GPR179: variants seen among roughly 807,000 people sequenced by gnomAD.
GPR179 encodes G protein-coupled receptor 179.
A neutral mutation model predicts 70.8 loss-of-function variants in GPR179; 52 were observed. The observed-to-expected ratio is 0.73, with a 90% CI of 0.59 to 0.93. The LOEUF is 0.93. Among genes scored for constraint, GPR179 ranks in the 40% least tolerant of loss-of-function variants. The pLI, the probability that GPR179 is intolerant of heterozygous loss-of-function variation, is 0.00. For missense variants in GPR179, 2,734 were observed against 2,966.8 expected (o/e 0.92, Z 1.82); for synonymous variants, 1,123 against 1,169.0 (o/e 0.96, Z 0.80).
chr17:38,337,782 C>T (rs1424593608), intron 2 of GPR179, 62 bp from the exon 3 acceptor site: 5 of 1,448,848 alleles, frequency 3.5e-6, no homozygotes, highest in Non-Finnish European at 4.8e-6. Flanking sequence ...AGCTTTCCCT[C>T]CTGGGAGAGA....
rs535949081 is a variant in GPR179, at chr17:38,327,597, C to T, written c.5972G>A (p.Gly1991Glu). The change falls in exon 11 of 11, where the codon GGG becomes GAG. Residue 1991 changes from glycine (G) to glutamate (E), a missense_variant. Transcript: ENST00000616987. ...TGGGCACACGTCAGCGGCCCTGCCC[C>T]CAGTGCTGACCAGTCTCTGGGAGCT... is the stretch of plus-strand genomic sequence containing the variant. ...KASSQRLVST[G>E]GRAADVCPWD... 115 of 1,614,186 alleles carry T rather than the reference C, an allele frequency of 7.1e-5. 1 individual carries two copies. The South Asian group carries it at 1.3e-3, about 18-fold the overall frequency.
rs769233773 is a variant in GPR179, at chr17:38,331,051, A to T, written c.2518T>A (p.Ser840Thr). The T allele has an allele frequency of 6.2e-7, 1 of 1,607,316 alleles. No homozygotes were observed. Among genetic ancestry groups the T allele is most frequent in the East Asian group, 2.2e-5 (1 of 44,806 alleles). The change falls in exon 11 of 11, where the codon TCG becomes ACG. Residue 840 changes from serine to threonine, a missense_variant. Coordinates refer to ENST00000616987, the MANE Select transcript of GPR179 (RefSeq NM_001004334.4). ...TCCCTGGAGCTGGCCACACTGAGCG[A>T]CTTCTGCAGAGAGGCGGGCCGGGCT... Reference protein sequence around the residue: ...PRARPASLQKSLSVASSREKA... With the variant: ...PRARPASLQKTLSVASSREKA...
intron 3 of GPR179, 124 bp from the exon 4 acceptor site, chr17:38,337,337 A>G (rs2037414532): frequency 3.0e-6 from 4 of 1,348,670 alleles, no homozygotes; most frequent in Non-Finnish European, 4.0e-6. Context: ...CTCCAGGGAC[A>G]AGTGGGAATG....
chr17:38,341,182 T>C (rs948790813), intron 1 of GPR179, among the ~76,000 whole-genome samples: 3 of 152,212 alleles, frequency 2.0e-5, no homozygotes, highest in Non-Finnish European at 4.4e-5. Context: ...ACTGTCTCTG[T>C]GGACAACAGT....
chr17:38,336,257 C>T (rs1479816068), intron 4 of GPR179, 113 bp from the exon 5 acceptor site: 1 of 771,648 alleles, frequency 1.3e-6, no homozygotes. Context: ...CACCCTGTAA[C>T]ACTGGCTCTG....
rs754115578 is a variant in GPR179, at chr17:38,329,762, C to T, written c.3807G>A (p.Thr1269=). ...CCCTCGACTCTGGGGCTCCTTCACT[C>T]GTCTCCCAGGGGCAGATTTCGGCCT... ...GNKAEICPWE[T]SEGAPESRAL... The change falls in exon 11 of 11, where the codon ACG becomes ACA. Residue 1269 remains threonine, a synonymous_variant. Coordinates refer to ENST00000616987, the MANE Select transcript of GPR179 (RefSeq NM_001004334.4). 2.7e-5 allele frequency: 44 copies of T among 1,614,028 alleles called. No homozygotes were observed. The South Asian group carries it at 3.6e-4, about 13-fold the overall frequency.
rs1439289864 is a variant in GPR179 at position 38,331,403 on chromosome 17, G to T, written c.2166C>A (p.Tyr722Ter). ...CCAGGGCCTCGGGGAATTCCGCCAG[G>T]TACCTCATGAAGGAGCGGCCCAGTC... ...CQGLGRSFMRYLAEFPEALAR... is the reference protein window; with the variant it reads ...CQGLGRSFMR The change falls in exon 11 of 11, where the codon TAC becomes TAA. Residue 722 changes from tyrosine to a stop codon, truncating the protein, a stop_gained. Transcript: ENST00000616987. LOFTEE classifies it low-confidence loss of function (END_TRUNC). The T allele has an allele frequency of 1.2e-6, 2 of 1,614,030 alleles. No individual in the cohort carries two copies. The highest frequency in any genetic ancestry group is 1.7e-6 in the Non-Finnish European group (2 of 1,180,006).
rs764875193 is a variant in GPR179, at chr17:38,331,340, G to A, written c.2229C>T (p.His743=). ...GGCGGGAGGAGCCGGGCAGGCTGCC[G>A]TGGCCTGGGGATCCTGAGTCCCGGG... The part of the protein sequence containing the change: ...QHSRDSGSPG[H]GSLPGSSRRR... Residue 743 remains histidine (H), a synonymous_variant, in exon 11 of 11, where the codon CAC becomes CAT. Coordinates refer to ENST00000616987, the MANE Select transcript of GPR179 (RefSeq NM_001004334.4). The A allele has an allele frequency of 2.5e-5, 41 of 1,611,072 alleles. No individual in the cohort carries two copies. The highest frequency in any genetic ancestry group is 4.4e-5 in the South Asian group (4 of 90,764).
Position 38,329,278 on chromosome 17 carries a change from C to T in GPR179, c.4291G>A (p.Glu1431Lys), listed in dbSNP as rs370767738. 6.2e-7 allele frequency: 1 copy of T among 1,613,400 alleles called. No individual in the cohort carries two copies. Among genetic ancestry groups the T allele is most frequent in the South Asian group, 1.1e-5 (1 of 90,970 alleles). ...GAGGGGCCCCGGAAATCTGTACTCT[C>T]CCATGGACAAAGAGACTCCAAGTCT... ...GGDLESLCPW[E>K]STDFRGPSAV... The change falls in exon 11 of 11, where the codon GAG becomes AAG. Residue 1431 changes from glutamate to lysine, a missense_variant. By Grantham distance (56) the Glu-to-Lys change is moderately conservative. Transcript: ENST00000616987.
In GPR179 at chr17:38,342,983, C is replaced by A. The variant is rs1177019612; in HGVS notation, c.794+13G>T. ...CCCCACACATGCATCAAATCCTGCA[C>A]AAACCCACTTACCTGACTTCTGGGC... On this transcript the variant is annotated intron_variant, in intron 1 of 10. Transcript: ENST00000616987. The A allele has an allele frequency of 1.9e-6, 3 of 1,582,296 alleles. No individual in the cohort carries two copies.
Position 38,338,682 on chromosome 17 carries a change from T to C in GPR179, c.903+735A>G, listed in dbSNP as rs1186199784. 6.6e-5 allele frequency among the ~76,000 whole-genome samples: 10 copies of C among 152,286 alleles called. No individual in the cohort carries two copies. In the East Asian group the frequency reaches 1.4e-3, roughly 21 times the overall value. ...AGAACCACCTGTGCACACAGAACAATATGCCCACCAGCCCCAGCAGGCCAC... is the reference window on the plus strand; with the variant it reads ...AGAACCACCTGTGCACACAGAACAACATGCCCACCAGCCCCAGCAGGCCAC... On this transcript the variant is annotated intron_variant, in intron 2 of 10. Coordinates refer to ENST00000616987, the MANE Select transcript of GPR179 (RefSeq NM_001004334.4).
In GPR179 at chr17:38,335,645, AC is replaced by A; in HGVS notation, c.1351del (p.Val451CysfsTer35). 1 of 1,614,144 alleles carries A rather than the reference AC, an allele frequency of 6.2e-7. No homozygotes were observed. Among genetic ancestry groups the A allele is most frequent in the East Asian group, 2.2e-5 (1 of 44,888 alleles). ...GACGATGGCAAAACCCAGCAGCCGC[AC>A]CCAGCGAAGAGCGATGCAGCGGAAT... ...SVFRCIALRW[V>X]RLLGFAIVYG... On this transcript the variant is annotated frameshift_variant, in exon 6 of 11. Coordinates refer to ENST00000616987, the MANE Select transcript of GPR179 (RefSeq NM_001004334.4). LOFTEE classifies it high-confidence loss of function.
chr17:38,330,792 C>T lies in GPR179; in HGVS notation c.2777G>A (p.Arg926Lys). Reference sequence around the variant, plus strand: ...CCTGATGGGTGGATGAGGCAGCCTTCTCCTAGCCTCCTCATGAAGCCTCCC... The same window carrying T: ...CCTGATGGGTGGATGAGGCAGCCTTTTCCTAGCCTCCTCATGAAGCCTCCC... ...TSGRLHEEAR[R>K]RLPHPPIRHQ... Residue 926 changes from arginine to lysine, a missense_variant, in exon 11 of 11, where the codon AGA (arginine) becomes AAA (lysine). By Grantham distance (26) the Arg-to-Lys change is conservative (BLOSUM62 2). Coordinates refer to ENST00000616987, the MANE Select transcript of GPR179 (RefSeq NM_001004334.4). 6.2e-7 allele frequency: 1 copy of T among 1,601,472 alleles called. No individual in the cohort carries two copies. Among genetic ancestry groups the T allele is most frequent in the Non-Finnish European group, 8.5e-7 (1 of 1,173,316 alleles).
At chr17:38,342,330 A>C (rs761989133) in intron 1 of GPR179, among the ~76,000 whole-genome samples, 39 of 142,942 alleles carry the variant, frequency 2.7e-4, no homozygotes, top group Non-Finnish European at 4.9e-4. Flanking sequence ...CTATACTGAC[A>C]CATCTTTTTT....
Position 38,327,446 on chromosome 17 carries a change from A to G in GPR179, c.6123T>C (p.Ser2041=). Residue 2041 remains serine (S), a synonymous_variant, in exon 11 of 11, where the codon TCT becomes TCC. Coordinates refer to ENST00000616987, the MANE Select transcript of GPR179 (RefSeq NM_001004334.4). ...CTGGGGCTCTGCCTTTCTCTTCTTG[A>G]GAGTCCCCTTTTCCATCCTGCCTTG... The part of the protein sequence containing the change: ...GVSRQDGKGD[S]QEEKGRAPEK... 1 of 1,614,130 alleles carries G rather than the reference A, an allele frequency of 6.2e-7. No individual in the cohort carries two copies. The highest frequency in any genetic ancestry group is 1.1e-5 in the South Asian group (1 of 91,082).
Position 38,343,858 on chromosome 17 carries a change from T to C in GPR179, c.-69A>G. On this transcript the variant is annotated 5_prime_UTR_variant, in exon 1 of 11. Coordinates refer to ENST00000616987, the MANE Select transcript of GPR179 (RefSeq NM_001004334.4). The surrounding 1 kb of genome is among the most constrained non-coding windows in gnomAD (Gnocchi z 4.2). Reference sequence around the variant, plus strand: ...GCCCAGGCAGAGGCTGGCTGCAGTCTGGGGGCTGTCGGCCTCCACGCCTCC... The same window carrying C: ...GCCCAGGCAGAGGCTGGCTGCAGTCCGGGGGCTGTCGGCCTCCACGCCTCC... 1 of 1,331,330 alleles carries C rather than the reference T, an allele frequency of 7.5e-7. No homozygotes were observed. The highest frequency in any genetic ancestry group is 2.5e-5 in the East Asian group (1 of 39,234). The allele number at this position is 1,331,330 out of a possible 1,614,324, so 82.5% of individuals were successfully genotyped here.
At chr17:38,333,465 G>T (rs1344992907) in intron 9 of GPR179, 68 bp from the exon 10 acceptor site, 1 of 1,487,146 alleles carries the variant, frequency 6.7e-7, no homozygotes, top group Non-Finnish European at 9.1e-7. Flanking sequence ...GCACTCACCT[G>T]CCCTGTGGAA....
At position 38,331,471 on chromosome 17, in the gene GPR179, T is replaced by G; in HGVS notation, c.2098A>C (p.Asn700His). ...EVHKTKEMAA[N>H]NPHLPKKRGS... ...CGCTTCTTGGGCAGGTGGGGGTTGT[T>G]TGCGGCCATTTCCTTGGTTTTGTGG... Residue 700 changes from asparagine (N) to histidine (H), a missense_variant, in exon 11 of 11, where the codon AAC becomes CAC. Physicochemically the swap from Asn to His is moderately conservative, Grantham distance 68. Transcript: ENST00000616987. 3 of 1,614,012 alleles carry G rather than the reference T, an allele frequency of 1.9e-6. No individual in the cohort carries two copies. The highest frequency in any genetic ancestry group is 2.5e-6 in the Non-Finnish European group (3 of 1,179,906).
Position 38,331,046 on chromosome 17 carries a change from G to A in GPR179, c.2523C>T (p.Leu841=). ...RARPASLQKS[L]SVASSREKAL... is the part of the protein sequence containing the mutation. ...CCTTTTCCCTGGAGCTGGCCACACTGAGCGACTTCTGCAGAGAGGCGGGCC... is the reference window on the plus strand; with the variant it reads ...CCTTTTCCCTGGAGCTGGCCACACTAAGCGACTTCTGCAGAGAGGCGGGCC... The change falls in exon 11 of 11, where the codon CTC becomes CTT. Residue 841 remains leucine (L), a synonymous_variant. Transcript: ENST00000616987. The A allele has an allele frequency of 6.2e-7, 1 of 1,608,066 alleles. No homozygotes were observed. The highest frequency in any genetic ancestry group is 8.5e-7 in the Non-Finnish European group (1 of 1,179,930).
Sources: allele counts gnomAD v4.1 joint callset (sites outside exome capture counted in the v4.1 genomes callset), GRCh38; gene constraint gnomAD v4.1.1; non-coding constraint Gnocchi (gnomAD v3.1); transcripts MANE v1.5; gene names NCBI Gene and HGNC (gene_info 2026-07-23, HGNC 2026-07-21).